MINDY3: variants seen among roughly 807,000 people sequenced by gnomAD.
MINDY3 encodes ubiquitin carboxyl-terminal hydrolase MINDY-3.
A neutral mutation model predicts 69.2 loss-of-function variants in MINDY3; 38 were observed. That is an observed-to-expected ratio of 0.55 (90% CI 0.42 to 0.72). MINDY3 has a LOEUF of 0.72. Ranked by LOEUF, MINDY3 falls within the 30% of genes least tolerant of loss-of-function variation. The probability of loss-of-function intolerance (pLI) is 0.00; values close to 1 mark genes in which losing one functional copy is unlikely to be tolerated. For missense variants in MINDY3, 522 were observed against 519.0 expected, an observed-to-expected ratio of 1.01 and a Z score of -0.06; for synonymous variants, 192 against 180.1, an observed-to-expected ratio of 1.07 and a Z score of -0.53.
intron 2 of MINDY3, among the ~76,000 whole-genome samples, chr10:15,844,506 A>G (rs1249533079): frequency 1.3e-5 from 2 of 152,224 alleles, no homozygotes; most frequent in Admixed American, 6.5e-5. Context: ...ATTCGTAAGC[A>G]TAATTCTTAA....
chr10:15,844,851 AACCTAGTTACAGTTTTATTTT>A (rs1474230154), intron 2 of MINDY3, among the ~76,000 whole-genome samples: 1 of 152,170 alleles, frequency 6.6e-6, no homozygotes, highest in East Asian at 1.9e-4. Flanking sequence ...TAAGAAATAG[AACCTAGTTACAGTTTTATTTT>A]TACTTTCCTG....
intron 10 of MINDY3, among the ~76,000 whole-genome samples, chr10:15,797,920 T>C (rs1473316646): frequency 6.6e-6 from 1 of 152,158 alleles, no homozygotes; most frequent in Non-Finnish European, 1.5e-5. Context: ...ATTTTTCTTT[T>C]TCAATTGTCT....
chr10:15,791,105 C>T (rs1268316130), intron 11 of MINDY3, among the ~76,000 whole-genome samples: 5 of 152,082 alleles, frequency 3.3e-5, no homozygotes, highest in African/African-American at 9.7e-5. Context: ...TAACTGTACC[C>T]GGTCAGTAAC....
chr10:15,805,372 A>G (rs1209391980), intron 10 of MINDY3, among the ~76,000 whole-genome samples: 1 of 152,160 alleles, frequency 6.6e-6, no homozygotes, highest in Non-Finnish European at 1.5e-5. Context: ...TTAATGTTAC[A>G]TTTTAAAAGG....
chr10:15,821,653 T>C lies in MINDY3; in HGVS notation c.801+3A>G, dbSNP rs755429527. On this transcript the variant is annotated splice_donor_region_variant and intron_variant, in intron 9 of 14. Coordinates refer to ENST00000277632, the MANE Select transcript of MINDY3 (RefSeq NM_024948.4). ...ATTCAAAGTACCTTAAAAATCAATTTACCTTACAGTATCTTAAAGCTTCCA... is the reference window on the plus strand; with the variant it reads ...ATTCAAAGTACCTTAAAAATCAATTCACCTTACAGTATCTTAAAGCTTCCA... 1.7e-5 allele frequency: 27 copies of C among 1,601,920 alleles called. No homozygotes were observed. Among genetic ancestry groups the C allele is most frequent in the Non-Finnish European group, 1.7e-6 (2 of 1,172,924 alleles).
At chr10:15,789,498 T>G (rs965829265) in intron 11 of MINDY3, among the ~76,000 whole-genome samples, 179 bp from the exon 12 acceptor site, 2 of 152,124 alleles carry the variant, frequency 1.3e-5, no homozygotes, top group African/African-American at 2.4e-5. Context: ...CTTCTATTTG[T>G]TTTCTTGGAA....
chr10:15,837,280 G>A lies in MINDY3; in HGVS notation c.500C>T (p.Ala167Val). 6.2e-7 allele frequency: 1 copy of A among 1,606,006 alleles called. No individual in the cohort carries two copies. The highest frequency in any genetic ancestry group is 8.5e-7 in the Non-Finnish European group (1 of 1,176,356). The change falls in exon 6 of 15, where the codon GCT (alanine) becomes GTT (valine). Residue 167 changes from alanine to valine, a missense_variant. Physicochemically the swap from Ala to Val is moderately conservative, Grantham distance 64. Transcript: ENST00000277632. Reference protein sequence around the residue: ...SFRSLPELKDAVLDQYSMWGN... With the variant: ...SFRSLPELKDVVLDQYSMWGN... ...CCACATTGAATACTGGTCCAAGACA[G>A]CATCTTTTAATTCTGGTAAACTTCT...
At chr10:15,814,467 C>A (rs995885724) in intron 10 of MINDY3, among the ~76,000 whole-genome samples, 3 of 151,500 alleles carry the variant, frequency 2.0e-5, no homozygotes, top group African/African-American at 7.3e-5. Flanking sequence ...ATTCCCCCCA[C>A]CCCTAGTGTG....
intron 8 of MINDY3, 118 bp downstream of exon 8, chr10:15,833,512 T>C: frequency 1.7e-6 from 1 of 578,720 alleles, no homozygotes. Context: ...GATTCTTCTA[T>C]TAGAAAACAC....
chr10:15,826,036 G>T (rs1351371861), intron 8 of MINDY3, among the ~76,000 whole-genome samples: 3 of 151,966 alleles, frequency 2.0e-5, no homozygotes, highest in African/African-American at 7.2e-5. Context: ...ATTCCTTTAA[G>T]ATAAAAAAGA....
intron 8 of MINDY3, among the ~76,000 whole-genome samples, chr10:15,826,163 G>A (rs1399879648): frequency 6.6e-6 from 1 of 152,140 alleles, no homozygotes; most frequent in African/African-American, 2.4e-5. Context: ...GACCACAAAA[G>A]GATCTGAGAA....
chr10:15,789,953 C>T (rs1350281482), intron 11 of MINDY3, among the ~76,000 whole-genome samples: 1 of 152,054 alleles, frequency 6.6e-6, no homozygotes, highest in Non-Finnish European at 1.5e-5. Flanking sequence ...CACACAAAGT[C>T]CTTGTGGGGT....
At chr10:15,846,885 G>A (rs552827315) in intron 2 of MINDY3, among the ~76,000 whole-genome samples, 11 of 151,950 alleles carry the variant, frequency 7.2e-5, no homozygotes, top group African/African-American at 1.9e-4. Flanking sequence ...CACCACGCCC[G>A]GCTAGTTTTT....
intron 2 of MINDY3, among the ~76,000 whole-genome samples, chr10:15,846,306 A>G (rs1833839839): frequency 6.6e-6 from 1 of 152,234 alleles, no homozygotes; most frequent in African/African-American, 2.4e-5. Context: ...TGCACTTGCA[A>G]CAAAAACCTT....
chr10:15,811,516 C>T (rs1838998853), intron 10 of MINDY3, among the ~76,000 whole-genome samples: 1 of 152,102 alleles, frequency 6.6e-6, no homozygotes, highest in East Asian at 1.9e-4. Flanking sequence ...TCTAACACAA[C>T]ACAAACACAA....
chr10:15,829,774 A>C (rs891964750), intron 8 of MINDY3, among the ~76,000 whole-genome samples: 1 of 152,222 alleles, frequency 6.6e-6, no homozygotes, highest in African/African-American at 2.4e-5. Context: ...TTGGCAAAGG[A>C]AGAAAAAAGG....
intron 3 of MINDY3, among the ~76,000 whole-genome samples, chr10:15,842,250 A>G (rs1342213860): frequency 6.6e-6 from 1 of 151,834 alleles, no homozygotes; most frequent in Non-Finnish European, 1.5e-5. Context: ...ACTTTCAAAA[A>G]TTTTATGATA....
chr10:15,818,452 TC>T (rs982531298), intron 9 of MINDY3, among the ~76,000 whole-genome samples: 6 of 152,138 alleles, frequency 3.9e-5, no homozygotes, highest in Non-Finnish European at 8.8e-5. Flanking sequence ...GTTTGACACT[TC>T]CTCAGAAAGT....
Position 15,834,596 on chromosome 10 carries a change from G to C in MINDY3, c.597C>G (p.Asn199Lys). The change falls in exon 7 of 15, where the codon AAC becomes AAG. Residue 199 changes from asparagine (N) to lysine (K), a missense_variant. Physicochemically the swap from Asn to Lys is moderately conservative, Grantham distance 94. Coordinates refer to ENST00000277632, the MANE Select transcript of MINDY3 (RefSeq NM_024948.4). ...LLTKGIENIK[N>K]EIEDASEPLI... The stretch of plus-strand genomic sequence containing the variant: ...AGGGTTCACTTGCATCTTCAATTTC[G>C]TTTTTTATGTTTTCAATGCCCTAAA... The C allele has an allele frequency of 6.2e-7, 1 of 1,610,002 alleles. No homozygotes were observed. Among genetic ancestry groups the C allele is most frequent in the Non-Finnish European group, 8.5e-7 (1 of 1,177,300 alleles).
Sources: allele counts gnomAD v4.1 joint callset (sites outside exome capture counted in the v4.1 genomes callset), GRCh38; gene constraint gnomAD v4.1.1; transcripts MANE v1.5; gene names NCBI Gene and HGNC (gene_info 2026-07-23, HGNC 2026-07-21).